Variants in CADM2 observed in about 807,000 individuals in gnomAD.
CADM2 encodes the protein immunoglobulin superfamily member 4D.
Under a neutral mutation model 49.8 loss-of-function variants are expected in CADM2, and 12 were observed. That is an observed-to-expected ratio of 0.24 (90% CI 0.15 to 0.39). The LOEUF is 0.39. Among genes scored for constraint, CADM2 ranks in the 10% least tolerant of loss-of-function variants. The pLI is 1.00. For missense variants in CADM2, 378 were observed against 492.3 expected (o/e 0.77, Z 2.20); for synonymous variants, 214 against 175.4 (o/e 1.22, Z -1.74).
chr3:86,034,039 T>C (rs925833317), intron 8 of CADM2, among the ~76,000 whole-genome samples: 40 of 151,668 alleles, frequency 2.6e-4, no homozygotes, highest in African/African-American at 9.7e-4. Context: ...CTTAGAAACA[T>C]GATTTCACTT....
At chr3:85,811,742 C>G (rs943518285) in intron 3 of CADM2, among the ~76,000 whole-genome samples, 1 of 151,950 alleles carries the variant, frequency 6.6e-6, no homozygotes, top group South Asian at 2.1e-4. Flanking sequence ...GGATGATGAA[C>G]TGGCTAGACT....
chr3:85,897,756 A>G (rs973937178), intron 5 of CADM2, among the ~76,000 whole-genome samples: 1 of 152,202 alleles, frequency 6.6e-6, no homozygotes, highest in Non-Finnish European at 1.5e-5. Context: ...CTCATTTAAC[A>G]TCAGTTGTAT....
At chr3:85,282,429 A>AT (rs1200462213) in intron 1 of CADM2, among the ~76,000 whole-genome samples, 1,576 of 124,024 alleles carry the variant, frequency 0.013, 22 homozygotes, top group African/African-American at 0.028. Context: ...TCTTGGCCAA[A>AT]TTTTTTTTTT....
At chr3:85,307,058 G>A (rs544057397) in intron 1 of CADM2, among the ~76,000 whole-genome samples, 1 of 151,442 alleles carries the variant, frequency 6.6e-6, no homozygotes, top group East Asian at 1.9e-4. Flanking sequence ...CGTGTTTTTA[G>A]TTCTCACAAT....
intron 1 of CADM2, among the ~76,000 whole-genome samples, chr3:85,715,572 G>C (rs948834917): frequency 3.3e-5 from 5 of 152,132 alleles, no homozygotes; most frequent in Admixed American, 6.5e-5. Flanking sequence ...TTGTTACATA[G>C]ATATTCATGT....
intron 1 of CADM2, among the ~76,000 whole-genome samples, chr3:85,565,765 T>C (rs1429097058): frequency 6.6e-6 from 1 of 152,112 alleles, no homozygotes; most frequent in African/African-American, 2.4e-5. Flanking sequence ...AGTGAGATTA[T>C]GTACTACAAA....
At chr3:85,669,380 A>G in intron 1 of CADM2, among the ~76,000 whole-genome samples, 1 of 152,146 alleles carries the variant, frequency 6.6e-6, no homozygotes, top group Non-Finnish European at 1.5e-5. Context: ...GAGGAGAAAA[A>G]GGTTAAAGGT....
intron 1 of CADM2, among the ~76,000 whole-genome samples, chr3:85,311,652 A>C (rs1476313587): frequency 6.6e-6 from 1 of 152,120 alleles, no homozygotes; most frequent in Non-Finnish European, 1.5e-5. Context: ...CTGGGATTAC[A>C]GGCGTGAGCC....
At chr3:86,059,613 C>T (rs574969694) in intron 8 of CADM2, among the ~76,000 whole-genome samples, 4 of 152,128 alleles carry the variant, frequency 2.6e-5, no homozygotes, top group Non-Finnish European at 5.9e-5. Context: ...TGATCTTTAA[C>T]AATACATGAT....
chr3:85,957,806 A>T (rs1444379429), intron 7 of CADM2, among the ~76,000 whole-genome samples: 2 of 151,714 alleles, frequency 1.3e-5, no homozygotes, highest in Admixed American at 6.6e-5. Context: ...GCTTATTTTC[A>T]CTCATTAATT....
At chr3:85,086,426 T>A (rs1421891982) in intron 1 of CADM2, among the ~76,000 whole-genome samples, 1 of 151,844 alleles carries the variant, frequency 6.6e-6, no homozygotes, top group Non-Finnish European at 1.5e-5. Context: ...TGCTTTCTAG[T>A]GTAGTATACT....
At chr3:85,329,437 G>A (rs1160421824) in intron 1 of CADM2, among the ~76,000 whole-genome samples, 1 of 151,676 alleles carries the variant, frequency 6.6e-6, no homozygotes, top group Non-Finnish European at 1.5e-5. Flanking sequence ...GGGCATGGTG[G>A]TGCACACCTG....
intron 8 of CADM2, among the ~76,000 whole-genome samples, chr3:86,026,772 G>A (rs574089551): frequency 2.6e-5 from 4 of 152,314 alleles, no homozygotes; most frequent in African/African-American, 9.6e-5. Flanking sequence ...TGGTCTATCA[G>A]ATCTGCCACT....
intron 1 of CADM2, among the ~76,000 whole-genome samples, chr3:85,020,644 A>G (rs763845977): frequency 2.6e-5 from 4 of 152,216 alleles, no homozygotes; most frequent in Admixed American, 6.5e-5. Context: ...TTTAAAAAAT[A>G]CCATTTTTCA....
intron 3 of CADM2, among the ~76,000 whole-genome samples, chr3:85,837,040 A>G (rs1417181073): frequency 6.6e-6 from 1 of 151,644 alleles, no homozygotes; most frequent in Non-Finnish European, 1.5e-5. Context: ...GATATAGTTC[A>G]ATGAATTTTT....
Position 85,782,617 on chromosome 3 carries a change from C to T in CADM2, c.89-19430C>T, listed in dbSNP as rs1261294235. Among the ~76,000 whole-genome samples the T allele has an allele frequency of 2.7e-5, 4 of 148,634 alleles. No individual in the cohort carries two copies. The East Asian group carries it at 7.9e-4, about 29-fold the overall frequency. On this transcript the variant is annotated intron_variant, in intron 2 of 9. Coordinates refer to ENST00000383699, the MANE Select transcript of CADM2 (RefSeq NM_001167675.2). ...GTTTCAGTGAGCCAAGATCGTGCCACTGTACTCCAGCCTGGGCGACAGAAT... is the reference window on the plus strand; with the variant it reads ...GTTTCAGTGAGCCAAGATCGTGCCATTGTACTCCAGCCTGGGCGACAGAAT...
intron 1 of CADM2, among the ~76,000 whole-genome samples, chr3:85,375,989 G>C (rs2033572374): frequency 6.6e-6 from 1 of 152,048 alleles, no homozygotes; most frequent in African/African-American, 2.4e-5. Context: ...CATATGATCA[G>C]TTTTTATGCT....
chr3:85,004,839 C>T lies in CADM2; in HGVS notation c.61+45171C>T, dbSNP rs533189228. The stretch of plus-strand genomic sequence containing the variant: ...GGATTTTAAGCAGTTATAAGACCTC[C>T]ATGATCATCCATTTTGTCTTTTCAA... On this transcript the variant is annotated intron_variant, in intron 1 of 9. Coordinates refer to ENST00000383699, the MANE Select transcript of CADM2 (RefSeq NM_001167675.2). Among the ~76,000 whole-genome samples the T allele has an allele frequency of 4.4e-4, 67 of 152,218 alleles. No individual in the cohort carries two copies. The Middle Eastern group carries it at 0.014, about 31-fold the overall frequency.
At chr3:85,895,807 C>A (rs1715141886) in intron 5 of CADM2, among the ~76,000 whole-genome samples, 1 of 152,168 alleles carries the variant, frequency 6.6e-6, no homozygotes, top group South Asian at 2.1e-4. Context: ...GGAAGACATG[C>A]CTTTGCTCCT....
Sources: allele counts gnomAD v4.1 joint callset (sites outside exome capture counted in the v4.1 genomes callset), GRCh38; gene constraint gnomAD v4.1.1; transcripts MANE v1.5; gene names NCBI Gene and HGNC (gene_info 2026-07-23, HGNC 2026-07-21).